ST6GALNAC5: variants seen among roughly 807,000 people sequenced by gnomAD.
ST6GALNAC5 encodes the protein ST6 N-acetylgalactosaminide alpha-2,6-sialyltransferase 5, also known as alpha-N-acetylgalactosaminide alpha-2,6-sialyltransferase 5.
In ST6GALNAC5, 27 loss-of-function variants were observed where a neutral mutation model predicts 33.6. That is an observed-to-expected ratio of 0.80 (90% CI 0.59 to 1.11). The LOEUF (loss-of-function observed/expected upper bound fraction) is 1.11. Among genes scored for constraint, ST6GALNAC5 ranks in the 50% least tolerant of loss-of-function variants. The pLI is 0.00. For synonymous variants in ST6GALNAC5, 194 were observed against 171.2 expected, an observed-to-expected ratio of 1.13 and a Z score of -1.04; for missense variants, 428 against 454.0, an observed-to-expected ratio of 0.94 and a Z score of 0.52.
chr1:77,034,982 T>A (rs1651596895), intron 2 of ST6GALNAC5, among the ~76,000 whole-genome samples: 1 of 152,172 alleles, frequency 6.6e-6, no homozygotes, highest in Admixed American at 6.5e-5. Context: ...CCCCTGAGGT[T>A]CCACTTCTTC....
intron 4 of ST6GALNAC5, among the ~76,000 whole-genome samples, chr1:77,058,278 TAGTTTGG>T (rs1483325652): frequency 6.6e-6 from 1 of 152,220 alleles, no homozygotes; most frequent in Admixed American, 6.5e-5. Context: ...CTCTCTGCTA[TAGTTTGG>T]ATATGTTTTG....
At chr1:76,994,506 T>C (rs1649850583) in intron 2 of ST6GALNAC5, among the ~76,000 whole-genome samples, 1 of 152,204 alleles carries the variant, frequency 6.6e-6, no homozygotes. Flanking sequence ...TTAAATGAGA[T>C]GCATGTCTTT....
In ST6GALNAC5 at chr1:76,935,351, T is replaced by C. The variant is rs550615536; in HGVS notation, c.261+66609T>C. On this transcript the variant is annotated intron_variant, in intron 2 of 4. Coordinates refer to ENST00000477717, the MANE Select transcript of ST6GALNAC5 (RefSeq NM_030965.3). The stretch of plus-strand genomic sequence containing the variant: ...TTTTCCTTGTTAATGTTATCCCTTG[T>C]GCAGAATTCATTTTTTAAAAATCCC... Among the ~76,000 whole-genome samples, 41 of 152,200 alleles carry C rather than the reference T, an allele frequency of 2.7e-4. 1 individual carries two copies. The highest frequency in any genetic ancestry group is 9.6e-4 in the African/African-American group (40 of 41,560).
chr1:76,983,074 C>T (rs1649323959), intron 2 of ST6GALNAC5, among the ~76,000 whole-genome samples: 2 of 151,122 alleles, frequency 1.3e-5, no homozygotes, highest in Admixed American at 1.3e-4. Flanking sequence ...ATTGTAAAGA[C>T]CATCGATGCT....
At chr1:77,050,641 A>G (rs1652189212) in intron 4 of ST6GALNAC5, among the ~76,000 whole-genome samples, 1 of 152,258 alleles carries the variant, frequency 6.6e-6, no homozygotes, top group South Asian at 2.1e-4. Context: ...AATAATTGGC[A>G]TAATATTAAC....
chr1:77,027,876 C>T (rs1316280023), intron 2 of ST6GALNAC5, among the ~76,000 whole-genome samples: 1 of 152,188 alleles, frequency 6.6e-6, no homozygotes, highest in East Asian at 1.9e-4. Context: ...TATTTTTACA[C>T]TTCAATAGTG....
At chr1:76,949,611 G>T (rs1392618007) in intron 2 of ST6GALNAC5, among the ~76,000 whole-genome samples, 1 of 152,034 alleles carries the variant, frequency 6.6e-6, no homozygotes, top group Admixed American at 6.6e-5. Context: ...GTTATTCTGG[G>T]CATCTGTGTT....
At chr1:76,904,380 A>T (rs1481815773) in intron 2 of ST6GALNAC5, among the ~76,000 whole-genome samples, 1 of 152,218 alleles carries the variant, frequency 6.6e-6, no homozygotes, top group African/African-American at 2.4e-5. Context: ...AGGAACGTTC[A>T]TAGCAACACA....
chr1:76,943,903 T>A (rs1042946052), intron 2 of ST6GALNAC5, among the ~76,000 whole-genome samples: 10 of 152,160 alleles, frequency 6.6e-5, no homozygotes, highest in African/African-American at 2.2e-4. Flanking sequence ...TCAAATGTTG[T>A]TGGATTTCTT....
intron 4 of ST6GALNAC5, among the ~76,000 whole-genome samples, chr1:77,053,671 C>T (rs1184404352): frequency 1.3e-5 from 2 of 152,124 alleles, no homozygotes. Flanking sequence ...CATATAAACT[C>T]TCTTGCATTG....
At chr1:76,871,139 C>T (rs1306411205) in intron 2 of ST6GALNAC5, 1 of 152,224 alleles carries the variant, frequency 6.6e-6, no homozygotes, top group African/African-American at 2.4e-5. Flanking sequence ...AGGTGGAAGA[C>T]ATTGTTAGAA....
chr1:76,869,398 T>G (rs919492736), intron 2 of ST6GALNAC5, among the ~76,000 whole-genome samples: 1 of 152,232 alleles, frequency 6.6e-6, no homozygotes, highest in African/African-American at 2.4e-5. Flanking sequence ...TTTTTTAAAA[T>G]TGGGCCTCCT....
At chr1:76,998,090 C>T (rs1412579920) in intron 2 of ST6GALNAC5, among the ~76,000 whole-genome samples, 1 of 152,164 alleles carries the variant, frequency 6.6e-6, no homozygotes, top group African/African-American at 2.4e-5. Flanking sequence ...GCCTTCACAG[C>T]TATGCGGAAC....
rs1401794738 is a variant in ST6GALNAC5 at position 77,063,036 on chromosome 1, A to G, written c.841A>G (p.Thr281Ala). 6 of 1,613,906 alleles carry G rather than the reference A, an allele frequency of 3.7e-6. No homozygotes were observed. In the African/African-American group the frequency reaches 8.0e-5, roughly 22 times the overall value. The stretch of plus-strand genomic sequence containing the variant: ...TGAACCTTTTGGACCTGATGAATGT[A>G]CAATGTACCTCTCCCATGAGCGAGG... ...YYEPFGPDEC[T>A]MYLSHERGRK... Residue 281 changes from threonine to alanine, a missense_variant, in exon 5 of 5, where the codon ACA becomes GCA. Physicochemically the swap from Thr to Ala is moderately conservative, Grantham distance 58. Transcript: ENST00000477717.
chr1:77,051,941 A>T (rs903732818), intron 4 of ST6GALNAC5, among the ~76,000 whole-genome samples: 1 of 152,224 alleles, frequency 6.6e-6, no homozygotes, highest in Non-Finnish European at 1.5e-5. Context: ...GAAATATTCC[A>T]TTTATTATGG....
At chr1:76,886,888 C>T (rs1166318566) in intron 2 of ST6GALNAC5, among the ~76,000 whole-genome samples, 2 of 152,106 alleles carry the variant, frequency 1.3e-5, no homozygotes, top group African/African-American at 4.8e-5. Context: ...GAACTTTGTT[C>T]CTCTTTAACA....
intron 2 of ST6GALNAC5, among the ~76,000 whole-genome samples, chr1:76,980,624 G>T (rs865875324): frequency 6.6e-6 from 1 of 152,162 alleles, no homozygotes; most frequent in Non-Finnish European, 1.5e-5. Flanking sequence ...ATGGGGGAAA[G>T]AATAGGTTTT....
intron 2 of ST6GALNAC5, among the ~76,000 whole-genome samples, chr1:76,882,377 A>T (rs1213901854): frequency 3.3e-5 from 5 of 152,156 alleles, no homozygotes; most frequent in Non-Finnish European, 7.4e-5. Context: ...CATCATCAGG[A>T]GACTTAGTTA....
chr1:76,969,697 G>C (rs911378979), intron 2 of ST6GALNAC5, among the ~76,000 whole-genome samples: 7 of 152,308 alleles, frequency 4.6e-5, no homozygotes, highest in Admixed American at 3.9e-4. Context: ...TGGTGTTTGA[G>C]CTCAGAGAAC....
Sources: gnomAD v4.1 joint callset for allele counts (sites outside exome capture counted in the v4.1 genomes callset) on GRCh38, gnomAD v4.1.1 for gene constraint, MANE v1.5 for transcripts, NCBI Gene and HGNC (gene_info 2026-07-23, HGNC 2026-07-21) for gene names.